The following AGBL4 variants were observed in gnomAD, a reference collection of about 807,000 sequenced individuals.
The protein encoded by AGBL4 is AGBL carboxypeptidase 4, also known as cytosolic carboxypeptidase 6.
In AGBL4, 58 loss-of-function variants were observed where a neutral mutation model predicts 66.4. The ratio of observed to expected loss-of-function variants is 0.87; its 90% CI spans 0.71 to 1.09. The LOEUF is 1.09. Ranked by LOEUF, AGBL4 falls within the 50% of genes least tolerant of loss-of-function variation. The pLI, the probability that AGBL4 is intolerant of heterozygous loss-of-function variation, is 0.00. For missense variants in AGBL4, 579 were observed against 631.0 expected, an observed-to-expected ratio of 0.92 and a Z score of 0.88; for synonymous variants, 234 against 222.9, an observed-to-expected ratio of 1.05 and a Z score of -0.44.
intron 5 of AGBL4, among the ~76,000 whole-genome samples, chr1:48,954,261 T>A (rs1657247268): frequency 6.6e-6 from 1 of 152,222 alleles, no homozygotes; most frequent in South Asian, 2.1e-4. Flanking sequence ...TCATCCCAGA[T>A]AAGACTCTCC....
In AGBL4 at chr1:48,958,340, G is replaced by A. The variant is rs144789522; in HGVS notation, c.594+87244C>T. Among the ~76,000 whole-genome samples the A allele has an allele frequency of 1.1e-3, 171 of 152,276 alleles. 1 individual carries two copies. Among genetic ancestry groups the A allele is most frequent in the African/African-American group, 3.4e-3 (143 of 41,552 alleles). ...CAGAGAGGCTAACTTTTCAACAAAT[G>A]TTCTTATTCTCTCTTCTGCCACCAT... On this transcript the variant is annotated intron_variant, in intron 5 of 13. Coordinates refer to ENST00000371839, the MANE Select transcript of AGBL4 (RefSeq NM_032785.4).
intron 3 of AGBL4, among the ~76,000 whole-genome samples, chr1:49,392,369 A>G (rs554893672): frequency 5.9e-5 from 9 of 152,284 alleles, no homozygotes; most frequent in African/African-American, 1.4e-4. Flanking sequence ...TCTAAATGGC[A>G]GCTGTGGAAA....
chr1:49,151,422 A>C lies in AGBL4; in HGVS notation c.377+94348T>G, dbSNP rs575263414. Reference sequence around the variant, plus strand: ...AAAAAATTTGTTAAGCATGATGATTAACTTTTCACAATAATGCAATAATGT... The same window carrying C: ...AAAAAATTTGTTAAGCATGATGATTCACTTTTCACAATAATGCAATAATGT... On this transcript the variant is annotated intron_variant, in intron 4 of 13. Transcript: ENST00000371839. 6.6e-5 allele frequency among the ~76,000 whole-genome samples: 10 copies of C among 152,066 alleles called. No individual in the cohort carries two copies. In the South Asian group the frequency reaches 2.1e-3, roughly 32 times the overall value.
chr1:49,272,640 C>A (rs1222522057), intron 3 of AGBL4, among the ~76,000 whole-genome samples: 1 of 152,120 alleles, frequency 6.6e-6, no homozygotes, highest in Non-Finnish European at 1.5e-5. Flanking sequence ...TAAACATTAA[C>A]ATTTCCCATT....
At chr1:49,066,458 A>G (rs1266279381) in intron 4 of AGBL4, among the ~76,000 whole-genome samples, 2 of 152,176 alleles carry the variant, frequency 1.3e-5, no homozygotes, top group Admixed American at 1.3e-4. Flanking sequence ...AGGCTGGGGC[A>G]GGGAAATTGC....
intron 3 of AGBL4, among the ~76,000 whole-genome samples, chr1:49,247,667 GATAAATACAGAGAGAAAGCTAATAAAGCA>G (rs2148331725): frequency 6.6e-6 from 1 of 152,030 alleles, no homozygotes; most frequent in East Asian, 1.9e-4. Flanking sequence ...CTAGATTATT[GATAAATACAGAGAGAAAGCTAATAAAGCA>G]ATGATGTAAA....
At chr1:49,849,948 A>G (rs1646264915) in intron 2 of AGBL4, among the ~76,000 whole-genome samples, 1 of 152,170 alleles carries the variant, frequency 6.6e-6, no homozygotes, top group Non-Finnish European at 1.5e-5. Context: ...AGAATCAAAG[A>G]TATTATGTAG....
At chr1:49,192,147 A>T (rs553484882) in intron 4 of AGBL4, among the ~76,000 whole-genome samples, 2 of 152,164 alleles carry the variant, frequency 1.3e-5, no homozygotes, top group South Asian at 4.1e-4. Context: ...AATCCTAGCC[A>T]TTCTAATTGG....
At chr1:49,074,748 CA>C (rs900394930) in intron 4 of AGBL4, among the ~76,000 whole-genome samples, 1 of 152,114 alleles carries the variant, frequency 6.6e-6, no homozygotes, top group African/African-American at 2.4e-5. Flanking sequence ...CCAAATTAAA[CA>C]ATTACATAGA....
intron 2 of AGBL4, among the ~76,000 whole-genome samples, chr1:49,708,888 C>A (rs1424092174): frequency 2.0e-5 from 3 of 152,186 alleles, no homozygotes; most frequent in African/African-American, 7.2e-5. Context: ...GAGGAGCCTG[C>A]AGAACAGCAA....
intron 2 of AGBL4, among the ~76,000 whole-genome samples, chr1:49,703,693 T>TTA (rs775482570): frequency 2.4e-4 from 36 of 151,948 alleles, no homozygotes; most frequent in Non-Finnish European, 4.4e-4. Context: ...ATTCAACATT[T>TTA]TTATAAAGAC....
chr1:49,225,955 G>A (rs1391403404), intron 4 of AGBL4, among the ~76,000 whole-genome samples: 2 of 152,138 alleles, frequency 1.3e-5, no homozygotes, highest in Non-Finnish European at 2.9e-5. Context: ...TAATAACTAG[G>A]CACCATGTTG....
At chr1:49,586,233 G>C (rs1288537290) in intron 3 of AGBL4, among the ~76,000 whole-genome samples, 1 of 152,144 alleles carries the variant, frequency 6.6e-6, no homozygotes, top group Non-Finnish European at 1.5e-5. Flanking sequence ...CCAGGAGACA[G>C]GGTTGGTAAG....
intron 2 of AGBL4, among the ~76,000 whole-genome samples, chr1:49,823,619 T>C (rs1039627500): frequency 3.9e-5 from 6 of 152,130 alleles, no homozygotes; most frequent in Non-Finnish European, 7.4e-5. Context: ...AAATGAATTA[T>C]TCTGTGAATT....
intron 4 of AGBL4, among the ~76,000 whole-genome samples, chr1:49,117,953 T>C (rs533939890): frequency 7.2e-5 from 11 of 152,326 alleles, no homozygotes; most frequent in African/African-American, 2.6e-4. Context: ...GTAAGTTGGA[T>C]TCCTAGGTAT....
At chr1:49,512,812 A>G (rs1385179190) in intron 3 of AGBL4, among the ~76,000 whole-genome samples, 1 of 151,972 alleles carries the variant, frequency 6.6e-6, no homozygotes, top group Non-Finnish European at 1.5e-5. Context: ...ACAGAGGCAC[A>G]GGGCACACAA....
intron 2 of AGBL4, among the ~76,000 whole-genome samples, chr1:49,819,213 T>C (rs1347178800): frequency 6.6e-6 from 1 of 152,196 alleles, no homozygotes; most frequent in African/African-American, 2.4e-5. Flanking sequence ...CGTGGCCATA[T>C]GACACATTTT....
intron 7 of AGBL4, among the ~76,000 whole-genome samples, chr1:48,654,894 C>T (rs1315259473): frequency 6.6e-6 from 1 of 152,228 alleles, no homozygotes; most frequent in Admixed American, 6.5e-5. Flanking sequence ...ATTAAAGCTG[C>T]AGTTTGCCAG....
At chr1:48,588,995 C>T (rs1033992175) in intron 10 of AGBL4, among the ~76,000 whole-genome samples, 4 of 152,148 alleles carry the variant, frequency 2.6e-5, no homozygotes, top group Non-Finnish European at 5.9e-5. Flanking sequence ...TCCCTGGAAA[C>T]TTCACCCACA....
Sources: gnomAD v4.1 joint callset for allele counts (sites outside exome capture counted in the v4.1 genomes callset) on GRCh38, gnomAD v4.1.1 for gene constraint, MANE v1.5 for transcripts, NCBI Gene and HGNC (gene_info 2026-07-23, HGNC 2026-07-21) for gene names.